The following AGAP1 variants were observed in gnomAD, a reference collection of about 807,000 sequenced individuals.
AGAP1 encodes ArfGAP with GTPase domain, ankyrin repeat and PH domain 1, also known as arf-GAP with GTPase, ANK repeat and PH domain-containing protein 1.
A neutral mutation model predicts 105.3 loss-of-function variants in AGAP1; 29 were observed. That is an observed-to-expected ratio of 0.28 (90% CI 0.21 to 0.38). The LOEUF is 0.38. AGAP1 is among the 10% of genes least tolerant of loss of function. The pLI, the probability that AGAP1 is intolerant of heterozygous loss-of-function variation, is 1.00. For synonymous variants in AGAP1, 509 were observed against 485.9 expected, an observed-to-expected ratio of 1.05 and a Z score of -0.63; for missense variants, 998 against 1,165.1, an observed-to-expected ratio of 0.86 and a Z score of 2.09.
intron 16 of AGAP1, among the ~76,000 whole-genome samples, chr2:236,057,967 G>T (rs1376828091): frequency 6.6e-6 from 1 of 152,144 alleles, no homozygotes; most frequent in African/African-American, 2.4e-5. Flanking sequence ...GTTGTGGAGG[G>T]CCTGCTGATA....
intron 1 of AGAP1, among the ~76,000 whole-genome samples, chr2:235,673,051 T>G (rs1039134314): frequency 6.6e-6 from 1 of 152,202 alleles, no homozygotes. Flanking sequence ...AGGGCCTCAC[T>G]TTTTTCTGAA....
intron 13 of AGAP1, among the ~76,000 whole-genome samples, chr2:236,021,788 G>A (rs138581844): frequency 0.016 from 2,507 of 152,184 alleles, 21 homozygotes; most frequent in Non-Finnish European, 0.028. Context: ...GCCAGACATG[G>A]TGACTCACAC....
chr2:235,898,454 C>T (rs1170029611), intron 10 of AGAP1, among the ~76,000 whole-genome samples: 5 of 151,328 alleles, frequency 3.3e-5, no homozygotes, highest in Admixed American at 2.6e-4. Flanking sequence ...AAATGTCATG[C>T]GTTTGCAGAG....
intron 1 of AGAP1, among the ~76,000 whole-genome samples, chr2:235,645,210 C>G (rs1386096516): frequency 6.6e-6 from 1 of 152,092 alleles, no homozygotes; most frequent in Non-Finnish European, 1.5e-5. Flanking sequence ...TGTAAGAGTT[C>G]TAATCTTAGG....
chr2:236,125,595 C>T lies in AGAP1; in HGVS notation c.*1473C>T, dbSNP rs1187534322. ...CTAACCAAGGACCAAGGGACTCTGG[C>T]AAGATGGGGTGGTTTTCCGAATGCC... is the stretch of plus-strand genomic sequence containing the variant. On this transcript the variant is annotated 3_prime_UTR_variant, in exon 18 of 18. Coordinates refer to ENST00000304032, the MANE Select transcript of AGAP1 (RefSeq NM_001037131.3). The surrounding 1 kb of genome is among the most constrained non-coding windows in gnomAD (Gnocchi z 5.2). The T allele has an allele frequency of 1.3e-5, 2 of 152,156 alleles. No homozygotes were observed. Among genetic ancestry groups the T allele is most frequent in the Non-Finnish European group, 1.5e-5 (1 of 68,024 alleles). 9.4% of individuals were successfully genotyped at this position (152,156 alleles called of 1,614,324 possible).
intron 9 of AGAP1, among the ~76,000 whole-genome samples, chr2:235,846,905 G>A (rs1961562468): frequency 6.6e-6 from 1 of 152,220 alleles, no homozygotes; most frequent in Non-Finnish European, 1.5e-5. Flanking sequence ...TGGGATGACA[G>A]GCATGAGCCA....
chr2:235,610,412 G>A lies in AGAP1; in HGVS notation c.164-98767G>A, dbSNP rs933957416. On this transcript the variant is annotated intron_variant, in intron 1 of 17. Coordinates refer to ENST00000304032, the MANE Select transcript of AGAP1 (RefSeq NM_001037131.3). The surrounding 1 kb of genome is among the most constrained non-coding windows in gnomAD (Gnocchi z 4.9). ...TAGAGGCTGGAAGTCCAAGATCAGGGTGCTGGCATGGTTGGACTCTGGAGA... is the reference window on the plus strand; with the variant it reads ...TAGAGGCTGGAAGTCCAAGATCAGGATGCTGGCATGGTTGGACTCTGGAGA... 6.6e-5 allele frequency among the ~76,000 whole-genome samples: 10 copies of A among 152,110 alleles called. No individual in the cohort carries two copies. The highest frequency in any genetic ancestry group is 1.0e-4 in the Non-Finnish European group (7 of 68,024).
rs867298134 is a variant in AGAP1 at position 235,792,032 on chromosome 2, C to T, written c.674-5727C>T. ...GTGTCTATGGTGAGCATTTAAAATA[C>T]GGTTTTATTGGAGGTGTGGTTCGTA... On this transcript the variant is annotated intron_variant, in intron 6 of 17. Transcript: ENST00000304032. The surrounding 1 kb of genome is among the most constrained non-coding windows in gnomAD (Gnocchi z 5.3). Among the ~76,000 whole-genome samples, 21 of 152,226 alleles carry T rather than the reference C, an allele frequency of 1.4e-4. No individual in the cohort carries two copies. The highest frequency in any genetic ancestry group is 4.3e-4 in the African/African-American group (18 of 41,534).
chr2:235,522,967 G>A (rs1410090087), intron 1 of AGAP1, among the ~76,000 whole-genome samples: 3 of 152,196 alleles, frequency 2.0e-5, no homozygotes, highest in African/African-American at 7.2e-5. Flanking sequence ...TGGGGCTACT[G>A]TAGCAAAACA....
At chr2:235,594,906 T>C (rs953214010) in intron 1 of AGAP1, among the ~76,000 whole-genome samples, 1 of 138,712 alleles carries the variant, frequency 7.2e-6, no homozygotes, top group Non-Finnish European at 1.6e-5. Flanking sequence ...TTTTTTTTTT[T>C]ATGATGTAAA....
chr2:235,501,911 T>C (rs1941578741), intron 1 of AGAP1, among the ~76,000 whole-genome samples: 1 of 152,220 alleles, frequency 6.6e-6, no homozygotes, highest in East Asian at 1.9e-4. Context: ...ACATAATTCC[T>C]TCCCTTTGTT....
intron 1 of AGAP1, among the ~76,000 whole-genome samples, chr2:235,532,996 GA>G (rs772119046): frequency 8.0e-5 from 12 of 150,708 alleles, no homozygotes; most frequent in East Asian, 3.9e-4. Flanking sequence ...TGTTTGAAGG[GA>G]AAAAAAAATC....
rs187663012 is a variant in AGAP1, at chr2:235,771,123, C to T, written c.673+20635C>T. On this transcript the variant is annotated intron_variant, in intron 6 of 17. Transcript: ENST00000304032. The stretch of plus-strand genomic sequence containing the variant: ...ACTGCTCACCTGTAGTCTCTGGGTC[C>T]GGCATGGCCCCCAGCACCTTGTCAG... 2.2e-3 allele frequency among the ~76,000 whole-genome samples: 331 copies of T among 152,318 alleles called. 1 individual carries two copies. The highest frequency in any genetic ancestry group is 0.014 in the South Asian group (68 of 4,820).
At chr2:235,943,586 G>A (rs2053362439) in intron 12 of AGAP1, among the ~76,000 whole-genome samples, 1 of 152,148 alleles carries the variant, frequency 6.6e-6, no homozygotes, top group Non-Finnish European at 1.5e-5. Flanking sequence ...CTGACCTAAG[G>A]TGATCCACCT....
intron 9 of AGAP1, among the ~76,000 whole-genome samples, chr2:235,849,201 CCAGTGAATA>C (rs1296944619): frequency 6.6e-6 from 1 of 152,170 alleles, no homozygotes; most frequent in African/African-American, 2.4e-5. Context: ...CCTAATTATG[CCAGTGAATA>C]CTAAAGACCG....
chr2:235,827,756 G>A (rs1050360389), intron 9 of AGAP1, among the ~76,000 whole-genome samples: 3 of 152,182 alleles, frequency 2.0e-5, no homozygotes, highest in African/African-American at 7.2e-5. Context: ...AACATAGCTT[G>A]CCCGTACTAA....
chr2:235,698,435 TGAAAAAA>T (rs1950100922), intron 1 of AGAP1, among the ~76,000 whole-genome samples: 1 of 151,852 alleles, frequency 6.6e-6, no homozygotes, highest in African/African-American at 2.4e-5. Context: ...TTACATCTCA[TGAAAAAA>T]AAATGGCTGT....
intron 10 of AGAP1, among the ~76,000 whole-genome samples, chr2:235,897,286 C>T (rs2050852412): frequency 6.6e-6 from 1 of 152,104 alleles, no homozygotes. Flanking sequence ...CTGATCCGCC[C>T]ACCTCGGCCT....
chr2:236,055,179 G>A lies in AGAP1; in HGVS notation c.2114+5898G>A, dbSNP rs971655469. 7.2e-5 allele frequency among the ~76,000 whole-genome samples: 11 copies of A among 152,170 alleles called. No homozygotes were observed. The highest frequency in any genetic ancestry group is 1.5e-4 in the Non-Finnish European group (10 of 68,040). ...GATTCTATCATCCCGGATGCAGAGG[G>A]TTCAGGGAGCTGGGGGCTCGTTTGG... On this transcript the variant is annotated intron_variant, in intron 16 of 17. Coordinates refer to ENST00000304032, the MANE Select transcript of AGAP1 (RefSeq NM_001037131.3). The surrounding 1 kb of genome is among the most constrained non-coding windows in gnomAD (Gnocchi z 6.2).
Sources: allele counts gnomAD v4.1 joint callset (sites outside exome capture counted in the v4.1 genomes callset), GRCh38; gene constraint gnomAD v4.1.1; non-coding constraint Gnocchi (gnomAD v3.1); transcripts MANE v1.5; gene names NCBI Gene and HGNC (gene_info 2026-07-23, HGNC 2026-07-21).